The following CRPPA variants were observed in gnomAD, a reference collection of about 807,000 sequenced individuals.
CRPPA encodes CDP-L-ribitol pyrophosphorylase A, also known as D-ribitol-5-phosphate cytidylyltransferase.
CRPPA carries 43 observed loss-of-function variants against 52.0 expected under a neutral mutation model. The ratio of observed to expected loss-of-function variants is 0.83; its 90% CI spans 0.65 to 1.07. The LOEUF (loss-of-function observed/expected upper bound fraction) is 1.07, where lower values mean the gene tolerates loss of function less well. CRPPA is among the 50% of genes least tolerant of loss of function. The pLI, the probability that CRPPA is intolerant of heterozygous loss-of-function variation, is 0.00. For synonymous variants in CRPPA, 250 were observed against 203.5 expected (o/e 1.23, Z -1.94); for missense variants, 629 against 551.7 (o/e 1.14, Z -1.40).
chr7:16,160,383 T>C (rs985946434), intron 9 of CRPPA, among the ~76,000 whole-genome samples: 3 of 152,220 alleles, frequency 2.0e-5, no homozygotes, highest in Non-Finnish European at 2.9e-5. Flanking sequence ...GTTTTCTGCA[T>C]ATGGCTAGCC....
At chr7:16,164,815 G>T (rs1781015416) in intron 9 of CRPPA, among the ~76,000 whole-genome samples, 1 of 152,152 alleles carries the variant, frequency 6.6e-6, no homozygotes, top group Non-Finnish European at 1.5e-5. Flanking sequence ...GACACTGTTT[G>T]CCCACGTATT....
chr7:16,275,178 A>C (rs1210043133), intron 6 of CRPPA, among the ~76,000 whole-genome samples: 1 of 152,206 alleles, frequency 6.6e-6, no homozygotes, highest in South Asian at 2.1e-4. Context: ...CAAGAAAGAC[A>C]GAAAACAACA....
At chr7:16,318,679 G>T (rs1785197210) in intron 3 of CRPPA, among the ~76,000 whole-genome samples, 1 of 152,092 alleles carries the variant, frequency 6.6e-6, no homozygotes, top group African/African-American at 2.4e-5. Flanking sequence ...ACCAGACCAT[G>T]CCTTCCTTAA....
At chr7:16,180,698 T>C (rs1486375106) in intron 9 of CRPPA, among the ~76,000 whole-genome samples, 1 of 152,102 alleles carries the variant, frequency 6.6e-6, no homozygotes, top group East Asian at 1.9e-4. Context: ...ACAGTCAGCT[T>C]TTTGTCAAGA....
intron 9 of CRPPA, among the ~76,000 whole-genome samples, chr7:16,184,416 A>G (rs1257471154): frequency 6.6e-6 from 1 of 152,200 alleles, no homozygotes; most frequent in Non-Finnish European, 1.5e-5. Flanking sequence ...TGTAGAACAA[A>G]TCTGCTTTTC....
chr7:16,180,831 T>C (rs931129292), intron 9 of CRPPA, among the ~76,000 whole-genome samples: 28 of 152,100 alleles, frequency 1.8e-4, no homozygotes, highest in Non-Finnish European at 4.4e-5. Flanking sequence ...AATCGAAACA[T>C]TCATAAAACT....
intron 9 of CRPPA, among the ~76,000 whole-genome samples, chr7:16,212,577 C>T (rs1305445311): frequency 6.6e-6 from 1 of 152,144 alleles, no homozygotes; most frequent in Non-Finnish European, 1.5e-5. Flanking sequence ...AATAATAGTT[C>T]AGGTGAAGTT....
At chr7:16,097,161 A>G (rs1340734848) in intron 9 of CRPPA, among the ~76,000 whole-genome samples, 2 of 152,174 alleles carry the variant, frequency 1.3e-5, no homozygotes, top group African/African-American at 4.8e-5. Flanking sequence ...AGGCTTCAGT[A>G]AAAGGCCCCT....
chr7:16,121,818 T>G (rs1436700924), intron 9 of CRPPA, among the ~76,000 whole-genome samples: 1 of 152,036 alleles, frequency 6.6e-6, no homozygotes, highest in Non-Finnish European at 1.5e-5. Flanking sequence ...AAATAAAAAT[T>G]TAAACCAAAA....
intron 2 of CRPPA, among the ~76,000 whole-genome samples, chr7:16,379,162 T>A (rs1428623424): frequency 1.3e-5 from 2 of 152,342 alleles, no homozygotes; most frequent in East Asian, 3.9e-4. Flanking sequence ...TTTTGGTGTT[T>A]TAGACATGAA....
chr7:16,216,198 C>G lies in CRPPA; in HGVS notation c.1120-1G>C. On this transcript the variant is annotated splice_acceptor_variant, in intron 8 of 9. Transcript: ENST00000407010. LOFTEE classifies it high-confidence loss of function. ...CTAATTTAAAATCAAGAAAATGAAC[C>G]TGCAAAATATAAAAGACAGTATTTA... 1 of 1,553,952 alleles carries G rather than the reference C, an allele frequency of 6.4e-7. No individual in the cohort carries two copies. Among genetic ancestry groups the G allele is most frequent in the South Asian group, 1.2e-5 (1 of 84,844 alleles).
At chr7:16,129,001 A>G (rs180927080) in intron 9 of CRPPA, among the ~76,000 whole-genome samples, 1 of 152,196 alleles carries the variant, frequency 6.6e-6, no homozygotes, top group African/African-American at 2.4e-5. Flanking sequence ...TGCTTCAAGT[A>G]TTGTAGCTAA....
At chr7:16,310,465 T>TGAAA (rs1419776894) in intron 3 of CRPPA, among the ~76,000 whole-genome samples, 2 of 152,128 alleles carry the variant, frequency 1.3e-5, no homozygotes, top group Non-Finnish European at 2.9e-5. Context: ...GATTGTAATG[T>TGAAA]GAAAGATCAA....
chr7:16,176,280 T>G (rs948964119), intron 9 of CRPPA, among the ~76,000 whole-genome samples: 11 of 152,172 alleles, frequency 7.2e-5, no homozygotes, highest in Non-Finnish European at 1.6e-4. Context: ...AGGAAATTAT[T>G]TTTCCTAAAC....
chr7:16,394,629 C>A (rs1004932202), intron 2 of CRPPA, among the ~76,000 whole-genome samples: 1 of 152,126 alleles, frequency 6.6e-6, no homozygotes, highest in African/African-American at 2.4e-5. Flanking sequence ...TGGGTTCCCA[C>A]CTTGATTACC....
chr7:16,225,531 A>T (rs751786536), intron 8 of CRPPA, among the ~76,000 whole-genome samples: 1 of 152,008 alleles, frequency 6.6e-6, no homozygotes, highest in Non-Finnish European at 1.5e-5. Flanking sequence ...TCTCCAAGAA[A>T]ACTGTCAGAA....
Position 16,221,712 on chromosome 7 carries a change from C to T in CRPPA, c.1120-5515G>A, listed in dbSNP as rs550797615. Among the ~76,000 whole-genome samples, 777 of 152,030 alleles carry T rather than the reference C, an allele frequency of 5.1e-3. 10 individuals are homozygous for T. Among genetic ancestry groups the T allele is most frequent in the African/African-American group, 0.018 (728 of 41,462 alleles). On this transcript the variant is annotated intron_variant, in intron 8 of 9. Coordinates refer to ENST00000407010, the MANE Select transcript of CRPPA (RefSeq NM_001101426.4). ...ATGAAAAAATGCTCATTATCACTGG[C>T]CATCAGAGAAATGCAAATCAAAACC...
chr7:16,278,863 C>T (rs1040939227), intron 5 of CRPPA, among the ~76,000 whole-genome samples: 1 of 152,172 alleles, frequency 6.6e-6, no homozygotes. Context: ...ATGCATTCTT[C>T]CAAAAGATAT....
intron 2 of CRPPA, among the ~76,000 whole-genome samples, chr7:16,392,371 C>T (rs375925190): frequency 6.6e-6 from 1 of 152,128 alleles, no homozygotes; most frequent in Non-Finnish European, 1.5e-5. Flanking sequence ...CTCAGTAGAG[C>T]GCATGGGCAA....
Sources: allele counts gnomAD v4.1 joint callset (sites outside exome capture counted in the v4.1 genomes callset), GRCh38; gene constraint gnomAD v4.1.1; transcripts MANE v1.5; gene names NCBI Gene and HGNC (gene_info 2026-07-23, HGNC 2026-07-21).